Variants in CEP112 observed in about 807,000 individuals in gnomAD.
CEP112 encodes the protein centrosomal protein 112, also known as centrosomal protein of 112 kDa.
CEP112 carries 127 observed loss-of-function variants against 153.0 expected under a neutral mutation model. The ratio of observed to expected loss-of-function variants is 0.83; its 90% CI spans 0.72 to 0.96. The LOEUF is 0.96. CEP112 is among the 40% of genes least tolerant of loss of function. The probability of loss-of-function intolerance (pLI) is 0.00; values close to 1 mark genes in which losing one functional copy is unlikely to be tolerated. For synonymous variants in CEP112, 358 were observed against 374.4 expected (o/e 0.96, Z 0.51); for missense variants, 1,089 against 1,101.2 (o/e 0.99, Z 0.16).
chr17:65,884,706 C>CTTTTTTTTTTTTTTTTTTTTTTTT (rs11370374), intron 20 of CEP112, among the ~76,000 whole-genome samples: 1 of 130,660 alleles, frequency 7.7e-6, no homozygotes, highest in African/African-American at 2.8e-5. Context: ...TTTGTAGTTT[C>CTTTTTTTTTTTTTTTTTTTTTTTT]TTTTTTTTTT....
intron 21 of CEP112, among the ~76,000 whole-genome samples, chr17:65,840,140 T>C (rs2057463560): frequency 6.6e-6 from 1 of 152,082 alleles, no homozygotes; most frequent in Non-Finnish European, 1.5e-5. Flanking sequence ...AATGAGATTC[T>C]TCAGAGAAAT....
chr17:65,885,408 T>C (rs538287284), intron 20 of CEP112, among the ~76,000 whole-genome samples: 1 of 152,184 alleles, frequency 6.6e-6, no homozygotes, highest in Non-Finnish European at 1.5e-5. Flanking sequence ...TAAATGACTT[T>C]TTTCCAGATC....
chr17:65,970,873 G>A (rs1002860482), intron 17 of CEP112, among the ~76,000 whole-genome samples: 9 of 47,706 alleles, frequency 1.9e-4, no homozygotes, highest in East Asian at 8.9e-3. Flanking sequence ...ATGCTGCATC[G>A]CATTACATGC....
chr17:65,703,277 C>T (rs1197728390), intron 23 of CEP112, among the ~76,000 whole-genome samples: 1 of 152,034 alleles, frequency 6.6e-6, no homozygotes, highest in African/African-American at 2.4e-5. Flanking sequence ...CTTTGGGAGG[C>T]TGAGGCGGGT....
At chr17:65,670,979 C>T (rs2046954377) in intron 24 of CEP112, among the ~76,000 whole-genome samples, 1 of 151,700 alleles carries the variant, frequency 6.6e-6, no homozygotes, top group Non-Finnish European at 1.5e-5. Context: ...AAAAAATAAC[C>T]CATTATTATA....
intron 17 of CEP112, among the ~76,000 whole-genome samples, chr17:65,970,744 A>G (rs1249909236): frequency 6.7e-6 from 1 of 149,520 alleles, no homozygotes; most frequent in African/African-American, 2.4e-5. Context: ...ATGTGTTAAT[A>G]CATGCACATT....
At chr17:66,132,906 C>A (rs983071833) in intron 4 of CEP112, 143 bp from the exon 5 acceptor site, 2 of 636,560 alleles carry the variant, frequency 3.1e-6, no homozygotes, top group Non-Finnish European at 2.8e-6. Flanking sequence ...GGCGTGGTGG[C>A]GAGTGCCTGT....
chr17:66,049,230 G>A (rs978100004), intron 12 of CEP112, among the ~76,000 whole-genome samples: 3 of 55,576 alleles, frequency 5.4e-5, no homozygotes, highest in Non-Finnish European at 8.5e-5. Flanking sequence ...CCCAATATGC[G>A]TAAGAGTAAC....
chr17:65,665,069 G>T (rs375063510), intron 24 of CEP112, among the ~76,000 whole-genome samples: 1 of 152,182 alleles, frequency 6.6e-6, no homozygotes, highest in Non-Finnish European at 1.5e-5. Flanking sequence ...CCTTCCAAAG[G>T]CCCCATCTCC....
intron 16 of CEP112, among the ~76,000 whole-genome samples, chr17:66,009,105 A>G (rs377397442): frequency 5.9e-5 from 9 of 152,200 alleles, no homozygotes; most frequent in African/African-American, 2.2e-4. Context: ...AGATACTTCC[A>G]TACTGTTTGC....
At chr17:65,817,674 A>G (rs2056342739) in intron 21 of CEP112, among the ~76,000 whole-genome samples, 1 of 151,898 alleles carries the variant, frequency 6.6e-6, no homozygotes, top group African/African-American at 2.4e-5. Context: ...CAATTCCAAC[A>G]TCTGGATTTT....
chr17:65,653,901 A>G (rs2143671296), intron 24 of CEP112, among the ~76,000 whole-genome samples: 1 of 151,950 alleles, frequency 6.6e-6, no homozygotes, highest in Admixed American at 6.6e-5. Context: ...TCTACGAAAA[A>G]TACAAAAATT....
intron 20 of CEP112, among the ~76,000 whole-genome samples, chr17:65,888,479 A>C (rs1264753391): frequency 6.7e-6 from 1 of 149,596 alleles, no homozygotes; most frequent in Non-Finnish European, 1.5e-5. Flanking sequence ...AAGAAGATTC[A>C]ATTTCATCTT....
At chr17:65,944,333 A>T (rs2061587067) in intron 18 of CEP112, among the ~76,000 whole-genome samples, 3 of 152,190 alleles carry the variant, frequency 2.0e-5, no homozygotes. Flanking sequence ...AAATCAAATT[A>T]CATTTTTTAG....
At chr17:65,753,835 A>C (rs1014213382) in intron 21 of CEP112, among the ~76,000 whole-genome samples, 1 of 152,200 alleles carries the variant, frequency 6.6e-6, no homozygotes, top group Non-Finnish European at 1.5e-5. Flanking sequence ...CTTTTCCCTA[A>C]AAATGCTAGA....
At chr17:65,717,316 T>C (rs1341024835) in intron 23 of CEP112, among the ~76,000 whole-genome samples, 1 of 152,198 alleles carries the variant, frequency 6.6e-6, no homozygotes, top group Non-Finnish European at 1.5e-5. Flanking sequence ...TCAGCACACA[T>C]GTCCTGTCTT....
At chr17:65,773,623 A>G (rs1467064298) in intron 21 of CEP112, among the ~76,000 whole-genome samples, 1 of 152,120 alleles carries the variant, frequency 6.6e-6, no homozygotes, top group Non-Finnish European at 1.5e-5. Flanking sequence ...AGAAATACAT[A>G]TGGTGACTAT....
intron 4 of CEP112, among the ~76,000 whole-genome samples, chr17:66,139,313 A>G (rs1018610977): frequency 2.6e-5 from 4 of 152,204 alleles, no homozygotes; most frequent in African/African-American, 9.7e-5. Context: ...TAACAGAAAT[A>G]AAAAGAATGA....
intron 11 of CEP112, among the ~76,000 whole-genome samples, chr17:66,061,658 T>G (rs2066924675): frequency 6.6e-6 from 1 of 151,430 alleles, no homozygotes; most frequent in East Asian, 1.9e-4. Flanking sequence ...ATGGACAAAC[T>G]TAGAAGGACA....
Sources: gnomAD v4.1 joint callset for allele counts (sites outside exome capture counted in the v4.1 genomes callset) on GRCh38, gnomAD v4.1.1 for gene constraint, MANE v1.5 for transcripts, NCBI Gene and HGNC (gene_info 2026-07-23, HGNC 2026-07-21) for gene names.